GRIN2A: variants seen among roughly 807,000 people sequenced by gnomAD.
GRIN2A encodes the protein glutamate receptor ionotropic, NMDA 2A.
GRIN2A carries 22 observed loss-of-function variants against 113.4 expected under a neutral mutation model. The ratio of observed to expected loss-of-function variants is 0.19; its 90% CI spans 0.14 to 0.28. The LOEUF (loss-of-function observed/expected upper bound fraction) is 0.28, where lower values mean the gene tolerates loss of function less well. Ranked by LOEUF, GRIN2A falls within the 10% of genes least tolerant of loss-of-function variation. The probability of loss-of-function intolerance (pLI) is 1.00; values close to 1 mark genes in which losing one functional copy is unlikely to be tolerated. For synonymous variants in GRIN2A, 827 were observed against 738.4 expected (o/e 1.12, Z -1.94); for missense variants, 1,502 against 1,887.0 (o/e 0.80, Z 3.78).
At chr16:9,798,521 C>T in intron 10 of GRIN2A, 57 bp from the exon 11 acceptor site, 1 of 1,385,628 alleles carries the variant, frequency 7.2e-7, no homozygotes, top group South Asian at 1.2e-5. Flanking sequence ...CCTCGGGGTC[C>T]AGCTCCTGAG....
rs578132273 is a variant in GRIN2A, at chr16:9,916,348, A to G, written c.1007+21611T>C. Among the ~76,000 whole-genome samples, 4 of 152,352 alleles carry G rather than the reference A, an allele frequency of 2.6e-5. No individual in the cohort carries two copies. The East Asian group carries it at 7.7e-4, about 29-fold the overall frequency. Reference sequence around the variant, plus strand: ...TTGGAAAAAAAGAAGAGAAAGTTGCATTAAACATCACCCAACTTCTCAAGA... The same window carrying G: ...TTGGAAAAAAAGAAGAGAAAGTTGCGTTAAACATCACCCAACTTCTCAAGA... On this transcript the variant is annotated intron_variant, in intron 3 of 12. Coordinates refer to ENST00000330684, the MANE Select transcript of GRIN2A (RefSeq NM_001134407.3).
chr16:9,860,194 G>A (rs547729402), intron 4 of GRIN2A, among the ~76,000 whole-genome samples: 115 of 151,866 alleles, frequency 7.6e-4, no homozygotes, highest in Non-Finnish European at 1.4e-3. Context: ...GGTGGCTCGC[G>A]CCTGTAATCC....
In GRIN2A at chr16:9,943,088, C is replaced by T. The variant is rs185806192; in HGVS notation, c.415-4537G>A. On this transcript the variant is annotated intron_variant, in intron 2 of 12. Coordinates refer to ENST00000330684, the MANE Select transcript of GRIN2A (RefSeq NM_001134407.3). ...GCCCAAAGCCCCTGAACATCCTTTCCACTCCCTGTCTTGATGGTAGAGGCC... is the reference window on the plus strand; with the variant it reads ...GCCCAAAGCCCCTGAACATCCTTTCTACTCCCTGTCTTGATGGTAGAGGCC... The T allele has an allele frequency of 3.9e-5, 6 of 152,426 alleles. No homozygotes were observed. The East Asian group carries it at 1.2e-3, about 29-fold the overall frequency. 9.4% of individuals were successfully genotyped at this position (152,426 alleles called of 1,614,324 possible).
chr16:10,003,018 TTGC>T (rs2046346920), intron 2 of GRIN2A, among the ~76,000 whole-genome samples: 1 of 152,224 alleles, frequency 6.6e-6, no homozygotes, highest in South Asian at 2.1e-4. Flanking sequence ...ATCTGCCATA[TTGC>T]TGCTGAGTGA....
intron 2 of GRIN2A, among the ~76,000 whole-genome samples, chr16:10,075,914 C>A (rs1283956270): frequency 6.6e-6 from 1 of 152,134 alleles, no homozygotes; most frequent in African/African-American, 2.4e-5. Flanking sequence ...ACTCTGGGCT[C>A]TGAACCCAGA....
At chr16:9,882,398 A>C (rs2141457687) in intron 4 of GRIN2A, among the ~76,000 whole-genome samples, 1 of 152,274 alleles carries the variant, frequency 6.6e-6, no homozygotes, top group East Asian at 1.9e-4. Context: ...GGAATCCTAT[A>C]ACTGGAATCT....
intron 3 of GRIN2A, among the ~76,000 whole-genome samples, chr16:9,900,684 C>T (rs569661539): frequency 1.3e-5 from 2 of 152,156 alleles, no homozygotes; most frequent in Non-Finnish European, 2.9e-5. Context: ...AGTGGTTCTT[C>T]GAATCTCAGG....
intron 1 of GRIN2A, among the ~76,000 whole-genome samples, chr16:10,181,146 C>G (rs1425390514): frequency 1.4e-4 from 1 of 7,254 alleles, no homozygotes; most frequent in East Asian, 4.7e-3. Flanking sequence ...CACCTCGAGC[C>G]AAGGGGCCGT....
chr16:9,794,141 T>G (rs1283034363), intron 11 of GRIN2A, among the ~76,000 whole-genome samples: 1 of 152,190 alleles, frequency 6.6e-6, no homozygotes, highest in Non-Finnish European at 1.5e-5. Context: ...CACAGACAAT[T>G]AGATGGAAAA....
chr16:10,086,704 C>G (rs972499882), intron 2 of GRIN2A, among the ~76,000 whole-genome samples: 3 of 151,772 alleles, frequency 2.0e-5, no homozygotes, highest in Admixed American at 1.3e-4. Context: ...GGACCATGTA[C>G]CAGGACCAGG....
chr16:10,089,980 T>C (rs1028498559), intron 2 of GRIN2A, among the ~76,000 whole-genome samples: 2 of 152,182 alleles, frequency 1.3e-5, no homozygotes, highest in Non-Finnish European at 2.9e-5. Context: ...CATGGAAATT[T>C]TCCCTAATCC....
intron 2 of GRIN2A, among the ~76,000 whole-genome samples, chr16:10,059,978 GA>G (rs78988955): frequency 0.18 from 26,892 of 151,992 alleles, 2,891 homozygotes; most frequent in East Asian, 0.35. Context: ...GGAAAAGGGG[GA>G]TGCAGGAGAC....
chr16:10,152,524 T>A (rs1158317930), intron 2 of GRIN2A, among the ~76,000 whole-genome samples: 1 of 152,168 alleles, frequency 6.6e-6, no homozygotes, highest in Admixed American at 6.5e-5. Context: ...CCCCCAACCA[T>A]CACTCACTCT....
intron 2 of GRIN2A, among the ~76,000 whole-genome samples, chr16:10,138,108 T>C (rs57443253): frequency 6.6e-6 from 1 of 152,208 alleles, no homozygotes; most frequent in Non-Finnish European, 1.5e-5. Flanking sequence ...CACTTTCCTC[T>C]TGGCATTAGT....
chr16:10,109,915 T>A (rs566882802), intron 2 of GRIN2A, among the ~76,000 whole-genome samples: 1 of 152,092 alleles, frequency 6.6e-6, no homozygotes, highest in African/African-American at 2.4e-5. Context: ...TTTATTATTA[T>A]TATACTTTAA....
At position 9,952,460 on chromosome 16, in the gene GRIN2A, CA is replaced by C. The variant is rs200311889; in HGVS notation, c.415-13910del. 2.7e-5 allele frequency among the ~76,000 whole-genome samples: 4 copies of C among 148,424 alleles called. No homozygotes were observed. In the South Asian group the frequency reaches 6.4e-4, roughly 24 times the overall value. On this transcript the variant is annotated intron_variant, in intron 2 of 12. Coordinates refer to ENST00000330684, the MANE Select transcript of GRIN2A (RefSeq NM_001134407.3). ...CAGCTTAGTGCTGAAGAAACACATGCAAAAAAAAAGAAAAAAGAGCCAGAGA... is the reference window on the plus strand; with the variant it reads ...CAGCTTAGTGCTGAAGAAACACATGCAAAAAAAAGAAAAAAGAGCCAGAGA...
At chr16:10,081,687 C>A (rs1021787884) in intron 2 of GRIN2A, among the ~76,000 whole-genome samples, 2 of 152,192 alleles carry the variant, frequency 1.3e-5, no homozygotes, top group African/African-American at 4.8e-5. Context: ...CTAGCTGGAA[C>A]TGGCTGTTTT....
intron 2 of GRIN2A, among the ~76,000 whole-genome samples, chr16:10,176,124 G>A (rs2050141981): frequency 6.7e-6 from 1 of 150,362 alleles, no homozygotes; most frequent in African/African-American, 2.4e-5. Flanking sequence ...CCCTGCCTCA[G>A]CCTCCTGAGT....
intron 3 of GRIN2A, among the ~76,000 whole-genome samples, chr16:9,925,168 T>C (rs1322690515): frequency 2.0e-5 from 3 of 152,238 alleles, no homozygotes; most frequent in South Asian, 2.1e-4. Context: ...GGAAACAGTT[T>C]GATCTTTTCA....
Sources: allele counts gnomAD v4.1 joint callset (sites outside exome capture counted in the v4.1 genomes callset), GRCh38; gene constraint gnomAD v4.1.1; transcripts MANE v1.5; gene names NCBI Gene and HGNC (gene_info 2026-07-23, HGNC 2026-07-21).